The following PGR variants were observed in gnomAD, a reference collection of about 807,000 sequenced individuals.
PGR encodes nuclear receptor subfamily 3 group C member 3.
A neutral mutation model predicts 76.1 loss-of-function variants in PGR; 25 were observed. That is an observed-to-expected ratio of 0.33 (90% CI 0.24 to 0.46). The LOEUF is 0.46. Among genes scored for constraint, PGR ranks in the 20% least tolerant of loss-of-function variants. The probability of loss-of-function intolerance (pLI) is 1.00; values close to 1 mark genes in which losing one functional copy is unlikely to be tolerated. For missense variants in PGR, 1,172 were observed against 1,225.3 expected, an observed-to-expected ratio of 0.96 and a Z score of 0.65; for synonymous variants, 579 against 535.0, an observed-to-expected ratio of 1.08 and a Z score of -1.14.
intron 4 of PGR, among the ~76,000 whole-genome samples, chr11:101,059,865 A>G (rs1591379181): frequency 6.6e-5 from 10 of 151,086 alleles, no homozygotes; most frequent in Middle Eastern, 3.2e-3. Flanking sequence ...AAAAAAAGAA[A>G]AAAAAGAAAA....
rs11571252 is a variant in PGR, at chr11:101,041,987, C to T, written c.2604G>A (p.Gln868=). Residue 868 remains glutamine, a synonymous_variant, in exon 7 of 8, where the codon CAG becomes CAA. Coordinates refer to ENST00000325455, the MANE Select transcript of PGR (RefSeq NM_000926.4). ...GAAGTTTTGTAAGTTGATAGAAACG[C>T]TGTGAGCTCGACACAACTCCTTTTT... ...LRQKGVVSSS[Q]RFYQLTKLLD... The T allele has an allele frequency of 3.9e-4, 631 of 1,613,514 alleles. 4 individuals carry two copies. In the Admixed American group the frequency reaches 9.9e-3, roughly 25 times the overall value.
rs1859618333 is a variant in PGR, at chr11:101,039,334, A to G, written c.2647-63T>C. The G allele has an allele frequency of 3.3e-6, 4 of 1,202,244 alleles. No homozygotes were observed. In the African/African-American group the frequency reaches 4.6e-5, roughly 14 times the overall value. The allele number at this position is 1,202,244 out of a possible 1,614,324, so 74.5% of individuals were successfully genotyped here. On this transcript the variant is annotated intron_variant, in intron 7 of 7. Transcript: ENST00000325455. ...AAATAATAAATTCATATGCTATTCAAACATGGCAATTTATTTTTCTAACTA... is the reference window on the plus strand; with the variant it reads ...AAATAATAAATTCATATGCTATTCAGACATGGCAATTTATTTTTCTAACTA...
chr11:101,101,940 T>C (rs1460522564), intron 2 of PGR, among the ~76,000 whole-genome samples: 3 of 152,048 alleles, frequency 2.0e-5, no homozygotes, highest in African/African-American at 4.8e-5. Flanking sequence ...AAGGGGGTCA[T>C]GAGATCAGTG....
At position 101,127,427 on chromosome 11, in the gene PGR, C is replaced by T. The variant is rs554642233; in HGVS notation, c.1637+7G>A. On this transcript the variant is annotated splice_region_variant and intron_variant, in intron 1 of 7. Transcript: ENST00000325455. ...CGCGCTGGGCGTGCCCCGTCCCGGGCCCTCACCTCAGGTAGTTGAGATAGG... is the reference window on the plus strand; with the variant it reads ...CGCGCTGGGCGTGCCCCGTCCCGGGTCCTCACCTCAGGTAGTTGAGATAGG... The T allele has an allele frequency of 4.4e-5, 67 of 1,537,488 alleles. 2 individuals carry two copies. In the South Asian group the frequency reaches 6.7e-4, roughly 15 times the overall value.
chr11:101,050,089 A>C lies in PGR; in HGVS notation c.2358-30T>G, dbSNP rs201333169. On this transcript the variant is annotated intron_variant, in intron 5 of 7. Coordinates refer to ENST00000325455, the MANE Select transcript of PGR (RefSeq NM_000926.4). ...CATCACACACAATACACAAAAGAAA[A>C]AGCAACAGGAAAAAAAATAGTGTCT... is the stretch of plus-strand genomic sequence containing the variant. The C allele has an allele frequency of 4.8e-4, 766 of 1,609,682 alleles. 6 individuals carry two copies. In the South Asian group the frequency reaches 7.9e-3, roughly 17 times the overall value.
intron 3 of PGR, among the ~76,000 whole-genome samples, chr11:101,085,525 T>TAAAAAAAAAAAAAAAAAAAAAAAA (rs1212568882): frequency 4.7e-5 from 2 of 42,280 alleles, no homozygotes; most frequent in Admixed American, 3.8e-4. Context: ...CTAGAGGAAC[T>TAAAAAAAAAAAAAAAAAAAAAAAA]AAAAAAAAAA....
intron 2 of PGR, among the ~76,000 whole-genome samples, chr11:101,094,937 T>G (rs1344662239): frequency 6.6e-6 from 1 of 152,184 alleles, no homozygotes; most frequent in Non-Finnish European, 1.5e-5. Flanking sequence ...TTCTGCCATG[T>G]GAGGATGCAG....
chr11:101,092,820 T>A (rs1042265557), intron 2 of PGR, among the ~76,000 whole-genome samples: 1 of 152,208 alleles, frequency 6.6e-6, no homozygotes, highest in South Asian at 2.1e-4. Flanking sequence ...TCTTTTAATA[T>A]CATCAGCCTA....
chr11:101,105,006 G>T (rs915004695), intron 2 of PGR, among the ~76,000 whole-genome samples: 6 of 152,146 alleles, frequency 3.9e-5, no homozygotes, highest in Non-Finnish European at 8.8e-5. Context: ...GGAGAAGTGG[G>T]GAGTGTTGGG....
chr11:101,052,088 GA>G (rs1432909753), intron 4 of PGR, among the ~76,000 whole-genome samples: 4 of 152,090 alleles, frequency 2.6e-5, no homozygotes. Flanking sequence ...AGTTCTTTGG[GA>G]TTTAAACATA....
Position 101,041,592 on chromosome 11 carries a change from G to A in PGR, c.2646+353C>T, listed in dbSNP as rs11571256. 607 of 201,418 alleles carry A rather than the reference G, an allele frequency of 3.0e-3. 4 individuals carry two copies. The highest frequency in any genetic ancestry group is 0.014 in the African/African-American group (576 of 42,254). The allele number at this position is 201,418 out of a possible 1,614,324, so 12.5% of individuals were successfully genotyped here. ...TGTTATTTATAATTCCACTGAAAAT[G>A]GCATGAGTCTTATTTTTCACATACA... On this transcript the variant is annotated intron_variant, in intron 7 of 7. Coordinates refer to ENST00000325455, the MANE Select transcript of PGR (RefSeq NM_000926.4).
At position 101,129,417 on chromosome 11, in the gene PGR, A is replaced by G; in HGVS notation, c.-347T>C. On this transcript the variant is annotated 5_prime_UTR_variant, in exon 1 of 8. Transcript: ENST00000325455. Reference sequence around the variant, plus strand: ...ACTTCTGTCCGAGGACTGGAGACGCAGAGTACTCACAAGTCCGGCACTTGA... The same window carrying G: ...ACTTCTGTCCGAGGACTGGAGACGCGGAGTACTCACAAGTCCGGCACTTGA... 3.3e-6 allele frequency: 1 copy of G among 300,970 alleles called. No homozygotes were observed. The highest frequency in any genetic ancestry group is 6.2e-6 in the Non-Finnish European group (1 of 162,160). 18.6% of individuals were successfully genotyped at this position (300,970 alleles called of 1,614,324 possible).
chr11:101,039,038 A>C lies in PGR; in HGVS notation c.*78T>G. ...AAGGCTTTCAGAAGAACATTATAAA[A>C]ACTCAAGACCTCATAATCCTGACCA... On this transcript the variant is annotated 3_prime_UTR_variant, in exon 8 of 8. Transcript: ENST00000325455. 1 of 1,089,170 alleles carries C rather than the reference A, an allele frequency of 9.2e-7. No homozygotes were observed. Among genetic ancestry groups the C allele is most frequent in the Non-Finnish European group, 1.4e-6 (1 of 721,860 alleles). The allele number at this position is 1,089,170 out of a possible 1,614,324, so 67.5% of individuals were successfully genotyped here.
chr11:101,049,971 C>T lies in PGR; in HGVS notation c.2446G>A (p.Glu816Lys). 6.2e-7 allele frequency: 1 copy of T among 1,612,464 alleles called. No homozygotes were observed. The highest frequency in any genetic ancestry group is 8.5e-7 in the Non-Finnish European group (1 of 1,178,952). ...AATACTTTCATACAGAGGAACTCTT[C>T]TTGGCTAACTTGAAGCTTGACAAAC... ...QEFVKLQVSQ[E>K]EFLCMKVLLL... Residue 816 changes from glutamate to lysine, a missense_variant, in exon 6 of 8, where the codon GAA (glutamate) becomes AAA (lysine). Glu to Lys is a moderately conservative substitution (Grantham distance 56, BLOSUM62 1). Coordinates refer to ENST00000325455, the MANE Select transcript of PGR (RefSeq NM_000926.4).
At chr11:101,121,798 T>C (rs1467011798) in intron 2 of PGR, among the ~76,000 whole-genome samples, 1 of 152,222 alleles carries the variant, frequency 6.6e-6, no homozygotes, top group Non-Finnish European at 1.5e-5. Flanking sequence ...GCCTGGCGCA[T>C]GGCAGGTACT....
chr11:101,126,979 C>CGGT (rs1477659810), intron 1 of PGR: 4 of 152,576 alleles, frequency 2.6e-5, no homozygotes, highest in African/African-American at 9.6e-5. Context: ...CCCGGGGGAA[C>CGGT]GGTGCCTTAA....
chr11:101,032,821 C>CGGAG lies in PGR; in HGVS notation c.*6291_*6294dup, dbSNP rs1434084278. On this transcript the variant is annotated 3_prime_UTR_variant, in exon 8 of 8. Coordinates refer to ENST00000325455, the MANE Select transcript of PGR (RefSeq NM_000926.4). ...TTTATTCCCCATCCAACTCTAAGCT[C>CGGAG]GGAGAAGACGGGAACACTGGTAATC... is the stretch of plus-strand genomic sequence containing the variant. The CGGAG allele has an allele frequency of 1.1e-5, 2 of 189,454 alleles. No individual in the cohort carries two copies. The highest frequency in any genetic ancestry group is 2.2e-5 in the Non-Finnish European group (2 of 90,276). The allele number at this position is 189,454 out of a possible 1,614,324, so 11.7% of individuals were successfully genotyped here.
Position 101,035,966 on chromosome 11 carries a change from T to C in PGR, c.*3150A>G, listed in dbSNP as rs1050535640. ...CTATTTCTGAAGGCCTGTATACGTT[T>C]TTTTTGGTTTCCATTTCTATTCATT... On this transcript the variant is annotated 3_prime_UTR_variant, in exon 8 of 8. Transcript: ENST00000325455. 4.4e-6 allele frequency: 1 copy of C among 228,112 alleles called. No individual in the cohort carries two copies. Among genetic ancestry groups the C allele is most frequent in the Non-Finnish European group, 8.7e-6 (1 of 114,948 alleles). The allele number at this position is 228,112 out of a possible 1,614,324, so 14.1% of individuals were successfully genotyped here. A position where few individuals can be genotyped will look rare whatever the true frequency, so the allele number is the denominator to read the frequency against.
chr11:101,032,398 G>T lies in PGR; in HGVS notation c.*6718C>A, dbSNP rs1859379934. The T allele has an allele frequency of 8.6e-6, 2 of 232,314 alleles. No homozygotes were observed. Among genetic ancestry groups the T allele is most frequent in the African/African-American group, 2.2e-5 (1 of 45,260 alleles). The allele number at this position is 232,314 out of a possible 1,614,324, so 14.4% of individuals were successfully genotyped here. A position where few individuals can be genotyped will look rare whatever the true frequency, so the allele number is the denominator to read the frequency against. ...TTCATATGAATTGTGCTGCTTTCCTGTTTACAACAGAATCAAGTCTACACT... is the reference window on the plus strand; with the variant it reads ...TTCATATGAATTGTGCTGCTTTCCTTTTTACAACAGAATCAAGTCTACACT... On this transcript the variant is annotated 3_prime_UTR_variant, in exon 8 of 8. Coordinates refer to ENST00000325455, the MANE Select transcript of PGR (RefSeq NM_000926.4).
Sources: allele counts gnomAD v4.1 joint callset (sites outside exome capture counted in the v4.1 genomes callset), GRCh38; gene constraint gnomAD v4.1.1; transcripts MANE v1.5; gene names NCBI Gene and HGNC (gene_info 2026-07-23, HGNC 2026-07-21).